Variants in DENND2B observed in about 807,000 individuals in gnomAD.
DENND2B encodes DENN domain-containing protein 2B.
In DENND2B, 32 loss-of-function variants were observed where a neutral mutation model predicts 116.0. That is an observed-to-expected ratio of 0.28 (90% CI 0.21 to 0.37). DENND2B has a LOEUF of 0.37. DENND2B is among the 10% of genes least tolerant of loss of function. DENND2B has a pLI of 1.00. For synonymous variants in DENND2B, 588 were observed against 583.9 expected (o/e 1.01, Z -0.10); for missense variants, 1,276 against 1,477.7 (o/e 0.86, Z 2.24).
intron 3 of DENND2B, among the ~76,000 whole-genome samples, chr11:8,726,685 TG>T (rs2047135599): frequency 6.6e-6 from 1 of 152,208 alleles, no homozygotes; most frequent in Non-Finnish European, 1.5e-5. Flanking sequence ...GTGATTCCAC[TG>T]GAATTGAGTG....
At chr11:8,807,716 C>G (rs1231855330) in intron 1 of DENND2B, 1 of 152,268 alleles carries the variant, frequency 6.6e-6, no homozygotes, top group Non-Finnish European at 1.5e-5. Flanking sequence ...GGAAGCCGGA[C>G]TGATGGGAGT....
At chr11:8,851,547 T>C (rs1055054625) in intron 3 of DENND2B, among the ~76,000 whole-genome samples, 2 of 152,182 alleles carry the variant, frequency 1.3e-5, no homozygotes, top group Non-Finnish European at 2.9e-5. Context: ...CTAGTAGAAG[T>C]GTACAGTGTA....
At chr11:8,715,531 A>C in intron 6 of DENND2B, 72 bp downstream of exon 6, 3 of 1,501,652 alleles carry the variant, frequency 2.0e-6, no homozygotes, top group Non-Finnish European at 2.8e-6. Flanking sequence ...GGAAGCCAGG[A>C]AAGAGAGAGA....
intron 4 of DENND2B, among the ~76,000 whole-genome samples, chr11:8,832,983 G>C (rs2062278137): frequency 6.6e-6 from 1 of 152,250 alleles, no homozygotes. Flanking sequence ...GCAGATGTGA[G>C]GTCGGATCCT....
upstream of DENND2B, among the ~76,000 whole-genome samples, chr11:8,812,044 C>A (rs1403300545): frequency 6.6e-6 from 1 of 152,164 alleles, no homozygotes; most frequent in Non-Finnish European, 1.5e-5. Context: ...GGCCTTATGA[C>A]CATTTTATAG....
At chr11:8,713,194 G>A (rs1033403252) in intron 8 of DENND2B, among the ~76,000 whole-genome samples, 13 of 152,272 alleles carry the variant, frequency 8.5e-5, no homozygotes, top group African/African-American at 3.1e-4. Context: ...TCCCAGTAGA[G>A]AAAGCACAAA....
At chr11:8,774,329 G>A (rs1202349623) in intron 1 of DENND2B, 2 of 985,272 alleles carry the variant, frequency 2.0e-6, no homozygotes, top group Non-Finnish European at 2.4e-6. Context: ...CTGCCTTATA[G>A]CAAGTTCTGA....
At chr11:8,713,931 G>A (rs2044249142) in intron 8 of DENND2B, 67 bp downstream of exon 8, 8 of 1,558,836 alleles carry the variant, frequency 5.1e-6, no homozygotes, top group East Asian at 2.2e-5. Context: ...ACATGCATCG[G>A]AAGGGAAGGC....
chr11:8,770,794 A>G (rs1321688201), intron 1 of DENND2B, among the ~76,000 whole-genome samples: 1 of 152,070 alleles, frequency 6.6e-6, no homozygotes, highest in Non-Finnish European at 1.5e-5. Flanking sequence ...GGCTAAAATG[A>G]TCCTCCTGCC....
upstream of DENND2B, among the ~76,000 whole-genome samples, chr11:8,814,356 A>T (rs533365248): frequency 6.7e-6 from 1 of 148,806 alleles, no homozygotes; most frequent in Admixed American, 6.8e-5. Context: ...ATAAAATCTA[A>T]CTTCTTACCA....
chr11:8,719,275 G>A (rs2045703583), intron 4 of DENND2B: 3 of 972,006 alleles, frequency 3.1e-6, no homozygotes, highest in Non-Finnish European at 3.7e-6. Flanking sequence ...CCACATTGTG[G>A]CATCTACTTA....
chr11:8,725,257 C>T (rs955466897), intron 4 of DENND2B, among the ~76,000 whole-genome samples: 1 of 152,186 alleles, frequency 6.6e-6, no homozygotes, highest in Admixed American at 6.5e-5. Context: ...AGAGAACTCC[C>T]TCCGCCCCTT....
At chr11:8,767,457 G>A (rs1399310823) in intron 1 of DENND2B, among the ~76,000 whole-genome samples, 1 of 152,178 alleles carries the variant, frequency 6.6e-6, no homozygotes, top group African/African-American at 2.4e-5. Context: ...AATTCCATTT[G>A]GAGACTATCA....
chr11:8,694,308 G>A (rs1198531348), intron 19 of DENND2B, among the ~76,000 whole-genome samples, 178 bp from the exon 20 acceptor site: 2 of 152,176 alleles, frequency 1.3e-5, no homozygotes, highest in East Asian at 1.9e-4. Context: ...TAGGGCACCG[G>A]TATTAATCAC....
chr11:8,748,748 T>G (rs1356536127), intron 2 of DENND2B, among the ~76,000 whole-genome samples: 1 of 151,810 alleles, frequency 6.6e-6, no homozygotes, highest in Non-Finnish European at 1.5e-5. Flanking sequence ...CCATCTAGCA[T>G]GTTATGATGG....
intron 1 of DENND2B, among the ~76,000 whole-genome samples, chr11:8,751,035 T>C (rs1304318985): frequency 6.6e-6 from 1 of 151,978 alleles, no homozygotes; most frequent in Non-Finnish European, 1.5e-5. Context: ...GATGCACCAA[T>C]CGGCACTCTG....
rs2064066938 is a variant in DENND2B, at chr11:8,893,966, C to CT, written c.-255-12858dup. On this transcript the variant is annotated intron_variant, in intron 1 of 22. Transcript: ENST00000534127. Reference sequence around the variant, plus strand: ...TCAATCCTAAGCCAAAAGAACAAAGCTGGAGGCATCATGCTACCTGACTTC... The same window carrying CT: ...TCAATCCTAAGCCAAAAGAACAAAGCTTGGAGGCATCATGCTACCTGACTTC... 2.0e-5 allele frequency among the ~76,000 whole-genome samples: 3 copies of CT among 152,210 alleles called. No homozygotes were observed. The South Asian group carries it at 6.2e-4, about 32-fold the overall frequency.
intron 1 of DENND2B, among the ~76,000 whole-genome samples, chr11:8,896,334 G>C (rs568097265): frequency 6.6e-6 from 1 of 152,256 alleles, no homozygotes; most frequent in African/African-American, 2.4e-5. Flanking sequence ...TAAGCCTTAA[G>C]AGAGTCCAGA....
Position 8,697,754 on chromosome 11 carries a change from A to G in DENND2B, c.2941-118T>C, listed in dbSNP as rs897671874. ...TCATTTATCTCTCCCAGTAACCCTC[A>G]TAACTATCATCAACCTCATTTTAAG... On this transcript the variant is annotated intron_variant, in intron 16 of 19. Transcript: ENST00000313726. The G allele has an allele frequency of 1.4e-4, 100 of 701,088 alleles. No individual in the cohort carries two copies. The East Asian group carries it at 2.0e-3, about 14-fold the overall frequency. The allele number at this position is 701,088 out of a possible 1,614,324, so 43.4% of individuals were successfully genotyped here.
Sources: allele counts gnomAD v4.1 joint callset (sites outside exome capture counted in the v4.1 genomes callset), GRCh38; gene constraint gnomAD v4.1.1; transcripts MANE v1.5; gene names NCBI Gene and HGNC (gene_info 2026-07-23, HGNC 2026-07-21).